The following CALB2 variants were observed in gnomAD, a reference collection of about 807,000 sequenced individuals.
CALB2 encodes calbindin 2.
In CALB2, 34 loss-of-function variants were observed where a neutral mutation model predicts 45.9. That is an observed-to-expected ratio of 0.74 (90% confidence interval 0.56 to 0.99). The LOEUF is 0.99. Among genes scored for constraint, CALB2 ranks in the 50% least tolerant of loss-of-function variants. The pLI is 0.00. For missense variants in CALB2, 344 were observed against 339.3 expected (o/e 1.01, Z -0.11); for synonymous variants, 142 against 129.6 (o/e 1.10, Z -0.65).
At chr16:71,384,976 G>A (rs1460491438) in intron 9 of CALB2, 140 bp downstream of exon 9, 2 of 727,812 alleles carry the variant, frequency 2.7e-6, no homozygotes, top group Admixed American at 2.1e-5. Context: ...ATCTTCTGCT[G>A]TATGAGAAGG....
Position 71,377,740 on chromosome 16 carries a change from T to A in CALB2, c.335T>A (p.Phe112Tyr), listed in dbSNP as rs375481271. Residue 112 changes from phenylalanine (F) to tyrosine (Y), a missense_variant, in exon 4 of 11, where the codon TTT becomes TAT. Transcript: ENST00000302628. The part of the protein sequence containing the change: ...FRQHVGSSAE[F>Y]MEAWRKYDTD... ...CAGCACGTGGGCTCCAGCGCCGAGT[T>A]TATGGAGGTGAGGCCAAGGCACCAC... 1.9e-6 allele frequency: 3 copies of A among 1,613,302 alleles called. No individual in the cohort carries two copies. In the African/African-American group the frequency reaches 4.0e-5, roughly 22 times the overall value.
intron 3 of CALB2, among the ~76,000 whole-genome samples, chr16:71,375,143 A>C (rs1301764984): frequency 3.3e-5 from 5 of 152,266 alleles, no homozygotes; most frequent in African/African-American, 1.2e-4. Flanking sequence ...ACAGGTGAAC[A>C]GGAGACTCTA....
At chr16:71,361,992 T>C (rs7196399) in intron 1 of CALB2, among the ~76,000 whole-genome samples, 129,815 of 152,158 alleles carry the variant, frequency 0.85, 55,610 homozygotes, top group Admixed American at 0.89. Context: ...AGGGTTCCAA[T>C]GTTGTCTCTC....
chr16:71,373,039 C>T (rs2042370772), intron 2 of CALB2, among the ~76,000 whole-genome samples: 1 of 152,190 alleles, frequency 6.6e-6, no homozygotes, highest in Non-Finnish European at 1.5e-5. Context: ...CTGGTGCCAA[C>T]GTGGCACTAC....
chr16:71,384,418 C>G, intron 8 of CALB2, 40 bp downstream of exon 8: 1 of 1,581,148 alleles, frequency 6.3e-7, no homozygotes. Context: ...TCCCTCATCC[C>G]TCTGAGCCTG....
At chr16:71,372,693 T>G (rs2042366913) in intron 2 of CALB2, among the ~76,000 whole-genome samples, 1 of 152,092 alleles carries the variant, frequency 6.6e-6, no homozygotes, top group South Asian at 2.1e-4. Flanking sequence ...CTGTGCGCTG[T>G]AGGAGACTAG....
chr16:71,378,929 T>C (rs1158206922), intron 4 of CALB2, among the ~76,000 whole-genome samples: 1 of 152,218 alleles, frequency 6.6e-6, no homozygotes, highest in Non-Finnish European at 1.5e-5. Flanking sequence ...CAGTTTTTGG[T>C]ATCTTCCACG....
chr16:71,366,559 GGCCTCAAGCAGTCCACCTACCTCA>G (rs1342142450), intron 1 of CALB2, among the ~76,000 whole-genome samples: 1 of 144,112 alleles, frequency 6.9e-6, no homozygotes, highest in African/African-American at 2.6e-5. Flanking sequence ...TTGAACTCCT[GGCCTCAAGCAGTCCACCTACCTCA>G]GCCTCCCAAA....
At chr16:71,387,801 C>T (rs1357458089) in intron 10 of CALB2, among the ~76,000 whole-genome samples, 2 of 152,156 alleles carry the variant, frequency 1.3e-5, no homozygotes, top group South Asian at 2.1e-4. Flanking sequence ...CTCAGGTGCA[C>T]GCCAGTGTTA....
chr16:71,374,011 G>A (rs139156119), intron 2 of CALB2, among the ~76,000 whole-genome samples: 120 of 152,306 alleles, frequency 7.9e-4, no homozygotes, highest in Non-Finnish European at 1.5e-3. Context: ...AACATCAGCC[G>A]TGCAAGGTGG....
intron 1 of CALB2, among the ~76,000 whole-genome samples, chr16:71,368,506 A>AAAAATAAAATAAAAT (rs568443355): frequency 1.3e-5 from 2 of 152,008 alleles, no homozygotes; most frequent in African/African-American, 4.8e-5. Flanking sequence ...GACCCTGTCT[A>AAAAATAAAATAAAAT]AAAATAAAAT....
At position 71,377,727 on chromosome 16, in the gene CALB2, T is replaced by C; in HGVS notation, c.322T>C (p.Ser108Pro). The change falls in exon 4 of 11, where the codon TCC (serine) becomes CCC (proline). Residue 108 changes from serine (S) to proline (P), a missense_variant. Around this residue, in one of 3 missense-constraint regions of CALB2, gnomAD observed 263 missense variants for 241.7 expected, o/e 1.09. Coordinates refer to ENST00000302628, the MANE Select transcript of CALB2 (RefSeq NM_001740.5). ...FLLCFRQHVG[S>P]SAEFMEAWRK... Reference sequence around the variant, plus strand: ...TCTGTGCTTCAGGCAGCACGTGGGCTCCAGCGCCGAGTTTATGGAGGTGAG... The same window carrying C: ...TCTGTGCTTCAGGCAGCACGTGGGCCCCAGCGCCGAGTTTATGGAGGTGAG... 1 of 1,613,970 alleles carries C rather than the reference T, an allele frequency of 6.2e-7. No homozygotes were observed.
At chr16:71,383,075 G>A (rs1487398135) in intron 5 of CALB2, among the ~76,000 whole-genome samples, 1 of 152,094 alleles carries the variant, frequency 6.6e-6, no homozygotes, top group Non-Finnish European at 1.5e-5. Flanking sequence ...AATTCCTCTG[G>A]CTATCACCCA....
At chr16:71,378,312 A>G (rs2042441866) in intron 4 of CALB2, among the ~76,000 whole-genome samples, 1 of 152,132 alleles carries the variant, frequency 6.6e-6, no homozygotes, top group Non-Finnish European at 1.5e-5. Context: ...CAGGGTTTCA[A>G]GACCAGCCTG....
intron 1 of CALB2, among the ~76,000 whole-genome samples, chr16:71,360,828 C>T (rs1038324980): frequency 6.6e-5 from 10 of 152,158 alleles, no homozygotes; most frequent in African/African-American, 1.9e-4. Flanking sequence ...TTGACTTTTC[C>T]GAGGTCATGG....
chr16:71,370,368 C>T (rs185715406), intron 1 of CALB2, among the ~76,000 whole-genome samples: 3 of 152,130 alleles, frequency 2.0e-5, no homozygotes, highest in Admixed American at 1.3e-4. Flanking sequence ...CCTTCCCATT[C>T]GAGTTGAATC....
chr16:71,388,354 AAAAG>A (rs1459867257), intron 10 of CALB2, among the ~76,000 whole-genome samples: 1 of 151,234 alleles, frequency 6.6e-6, no homozygotes, highest in African/African-American at 2.4e-5. Flanking sequence ...AAAAAAAAGA[AAAAG>A]AAAAAGAAAA....
chr16:71,359,540 G>A (rs776030735), intron 1 of CALB2, among the ~76,000 whole-genome samples: 4 of 152,180 alleles, frequency 2.6e-5, no homozygotes, highest in Non-Finnish European at 5.9e-5. Context: ...TGATAATCCT[G>A]GGTACTCTTG....
At chr16:71,375,376 CA>C (rs1460874449) in intron 3 of CALB2, among the ~76,000 whole-genome samples, 6 of 152,098 alleles carry the variant, frequency 3.9e-5, no homozygotes, top group Admixed American at 3.3e-4. Flanking sequence ...AGGTGCATGT[CA>C]AACACCTCTG....
Sources: gnomAD v4.1 joint callset for allele counts (sites outside exome capture counted in the v4.1 genomes callset) on GRCh38, gnomAD v4.1.1 for gene constraint, gnomAD v4.1.1 regional missense constraint, MANE v1.5 for transcripts, NCBI Gene and HGNC (gene_info 2026-07-23, HGNC 2026-07-21) for gene names.